STXBP5L: variants seen among roughly 807,000 people sequenced by gnomAD.
STXBP5L encodes the protein syntaxin binding protein 5L, also known as syntaxin-binding protein 5-like.
A neutral mutation model predicts 144.5 loss-of-function variants in STXBP5L; 65 were observed. That is an observed-to-expected ratio of 0.45 (90% CI 0.37 to 0.55). The LOEUF is 0.55. Ranked by LOEUF, STXBP5L falls within the 20% of genes least tolerant of loss-of-function variation. The probability of loss-of-function intolerance (pLI) is 0.00; values close to 1 mark genes in which losing one functional copy is unlikely to be tolerated. For synonymous variants in STXBP5L, 505 were observed against 469.6 expected, an observed-to-expected ratio of 1.08 and a Z score of -0.97; for missense variants, 1,298 against 1,405.5, an observed-to-expected ratio of 0.92 and a Z score of 1.22.
At chr3:121,131,902 C>A (rs1325591683) in intron 7 of STXBP5L, among the ~76,000 whole-genome samples, 2 of 152,100 alleles carry the variant, frequency 1.3e-5, no homozygotes, top group Non-Finnish European at 2.9e-5. Context: ...GAACATGAAA[C>A]CAGATTCATT....
chr3:121,056,429 C>A (rs779675192), intron 5 of STXBP5L, among the ~76,000 whole-genome samples: 1 of 152,080 alleles, frequency 6.6e-6, no homozygotes, highest in African/African-American at 2.4e-5. Context: ...TACTTACTAT[C>A]AGAGAATTTC....
intron 22 of STXBP5L, among the ~76,000 whole-genome samples, chr3:121,385,875 A>C (rs989671208): frequency 6.6e-6 from 1 of 152,182 alleles, no homozygotes; most frequent in Non-Finnish European, 1.5e-5. Context: ...AAATATGAAA[A>C]TAGGTTAATG....
chr3:121,024,767 G>T (rs559527675), intron 3 of STXBP5L, among the ~76,000 whole-genome samples: 1 of 151,994 alleles, frequency 6.6e-6, no homozygotes, highest in African/African-American at 2.4e-5. Context: ...TCCCATAAAT[G>T]TATAAACACA....
chr3:121,277,536 T>A (rs774009910), intron 18 of STXBP5L, among the ~76,000 whole-genome samples: 3 of 152,054 alleles, frequency 2.0e-5, no homozygotes, highest in Non-Finnish European at 2.9e-5. Context: ...ACCTTCTTGA[T>A]TATCTGTAAT....
At chr3:121,005,616 C>G (rs1382098095) in intron 3 of STXBP5L, among the ~76,000 whole-genome samples, 6 of 152,126 alleles carry the variant, frequency 3.9e-5, no homozygotes, top group Middle Eastern at 3.4e-3. Context: ...TTTGCTCTTG[C>G]TTTTCTAGTT....
At chr3:121,315,353 G>C (rs1367811870) in intron 19 of STXBP5L, among the ~76,000 whole-genome samples, 1 of 151,922 alleles carries the variant, frequency 6.6e-6, no homozygotes, top group East Asian at 1.9e-4. Flanking sequence ...GATGAAGCTG[G>C]AAACCATCAT....
chr3:121,197,271 A>G (rs1352639781), intron 9 of STXBP5L, among the ~76,000 whole-genome samples: 1 of 152,138 alleles, frequency 6.6e-6, no homozygotes, highest in Non-Finnish European at 1.5e-5. Flanking sequence ...TAGAAAGCAT[A>G]TAGTTGGATA....
rs77088534 is a variant in STXBP5L, at chr3:120,921,985, T to C, written c.189+12218T>C. Among the ~76,000 whole-genome samples the C allele has an allele frequency of 2.8e-4, 42 of 152,090 alleles. 1 individual carries two copies. In the East Asian group the frequency reaches 8.1e-3, roughly 29 times the overall value. ...TTCATATAAATTTTAGGATTTTTTT[T>C]TGTGTTTCTGTGAAGAAACATTGGT... is the stretch of plus-strand genomic sequence containing the variant. On this transcript the variant is annotated intron_variant, in intron 2 of 26. Coordinates refer to ENST00000471454, the MANE Select transcript of STXBP5L (RefSeq NM_001308330.2).
At chr3:121,151,679 T>G (rs753194378) in intron 7 of STXBP5L, among the ~76,000 whole-genome samples, 5 of 152,168 alleles carry the variant, frequency 3.3e-5, no homozygotes, top group Non-Finnish European at 7.4e-5. Flanking sequence ...GTCAGAAATA[T>G]ATCATTATTT....
At chr3:120,979,370 T>A (rs963581793) in intron 3 of STXBP5L, among the ~76,000 whole-genome samples, 1 of 152,310 alleles carries the variant, frequency 6.6e-6, no homozygotes, top group Non-Finnish European at 1.5e-5. Context: ...GATATAATCT[T>A]CTGGTGCACC....
At chr3:121,343,068 G>A (rs549828665) in intron 20 of STXBP5L, among the ~76,000 whole-genome samples, 2 of 152,092 alleles carry the variant, frequency 1.3e-5, no homozygotes, top group Non-Finnish European at 2.9e-5. Flanking sequence ...ATCTCATTGT[G>A]GTTTTGATTT....
intron 9 of STXBP5L, among the ~76,000 whole-genome samples, chr3:121,186,345 T>G (rs948065360): frequency 1.8e-4 from 27 of 151,924 alleles, no homozygotes; most frequent in Admixed American, 1.5e-3. Context: ...TGAATAGGAG[T>G]GGTGAGAGAG....
intron 20 of STXBP5L, among the ~76,000 whole-genome samples, chr3:121,359,930 G>A (rs1447503830): frequency 7.5e-6 from 1 of 133,484 alleles, no homozygotes; most frequent in Admixed American, 7.6e-5. Flanking sequence ...TTTTTGCTTA[G>A]GATATCTTTG....
intron 6 of STXBP5L, among the ~76,000 whole-genome samples, chr3:121,120,744 G>T (rs2044421904): frequency 6.6e-6 from 1 of 151,052 alleles, no homozygotes; most frequent in South Asian, 2.1e-4. Context: ...CTTCTTCATT[G>T]TTTTGTATAG....
intron 19 of STXBP5L, among the ~76,000 whole-genome samples, chr3:121,301,104 G>A (rs1170345575): frequency 1.3e-5 from 2 of 152,132 alleles, no homozygotes; most frequent in East Asian, 3.9e-4. Flanking sequence ...GTAGCCTGAT[G>A]GGGATGGCAT....
Position 120,909,973 on chromosome 3 carries a change from A to G in STXBP5L, c.189+206A>G, listed in dbSNP as rs1708743786. Among the ~76,000 whole-genome samples, 3 of 152,338 alleles carry G rather than the reference A, an allele frequency of 2.0e-5. No homozygotes were observed. The South Asian group carries it at 6.2e-4, about 32-fold the overall frequency. On this transcript the variant is annotated intron_variant, in intron 2 of 26. Coordinates refer to ENST00000471454, the MANE Select transcript of STXBP5L (RefSeq NM_001308330.2). Reference sequence around the variant, plus strand: ...GCAATGATAGTTTAAGTGGGAAATGAGCACACACAAAAAGTAGAATTTGCA... The same window carrying G: ...GCAATGATAGTTTAAGTGGGAAATGGGCACACACAAAAAGTAGAATTTGCA...
At chr3:121,004,796 C>G (rs1172945681) in intron 3 of STXBP5L, among the ~76,000 whole-genome samples, 3 of 152,132 alleles carry the variant, frequency 2.0e-5, no homozygotes, top group Admixed American at 6.6e-5. Flanking sequence ...TTTTATGCAT[C>G]TATTGAGATA....
At chr3:121,162,754 A>G (rs1316320097) in intron 9 of STXBP5L, among the ~76,000 whole-genome samples, 9 of 152,108 alleles carry the variant, frequency 5.9e-5, no homozygotes, top group African/African-American at 1.9e-4. Context: ...ATCAAAAAGT[A>G]GGCAAAGAAT....
At chr3:120,950,745 A>G (rs1307630273) in intron 2 of STXBP5L, among the ~76,000 whole-genome samples, 1 of 152,190 alleles carries the variant, frequency 6.6e-6, no homozygotes, top group Non-Finnish European at 1.5e-5. Flanking sequence ...TAATTTATAG[A>G]TTCAATGCCA....
Sources: allele counts gnomAD v4.1 joint callset (sites outside exome capture counted in the v4.1 genomes callset), GRCh38; gene constraint gnomAD v4.1.1; transcripts MANE v1.5; gene names NCBI Gene and HGNC (gene_info 2026-07-23, HGNC 2026-07-21).